The following DPP4 variants were observed in gnomAD, a reference collection of about 807,000 sequenced individuals.
DPP4 encodes the protein dipeptidyl peptidase 4.
DPP4 carries 93 observed loss-of-function variants against 122.4 expected under a neutral mutation model. The observed-to-expected ratio is 0.76, with a 90% CI of 0.64 to 0.90. The LOEUF (loss-of-function observed/expected upper bound fraction) is 0.90. DPP4 is among the 40% of genes least tolerant of loss of function. The pLI is 0.00. For missense variants in DPP4, 914 were observed against 907.3 expected (o/e 1.01, Z -0.09); for synonymous variants, 321 against 302.9 (o/e 1.06, Z -0.62).
chr2:162,021,054 C>T (rs1683108527), intron 12 of DPP4, among the ~76,000 whole-genome samples: 2 of 152,234 alleles, frequency 1.3e-5, no homozygotes, highest in South Asian at 4.2e-4. Context: ...AGTAAATTTC[C>T]TCAGTGTCAC....
At chr2:162,021,862 G>A (rs2106103586) in intron 12 of DPP4, among the ~76,000 whole-genome samples, 1 of 151,646 alleles carries the variant, frequency 6.6e-6, no homozygotes, top group South Asian at 2.1e-4. Context: ...TTTCATGTTG[G>A]CAAACCTCTC....
chr2:162,025,795 T>C (rs1297735153), intron 10 of DPP4, among the ~76,000 whole-genome samples: 1 of 152,172 alleles, frequency 6.6e-6, no homozygotes, highest in Non-Finnish European at 1.5e-5. Flanking sequence ...GCAGCCTTGC[T>C]CTTTTTTGTC....
At chr2:162,022,892 TATA>T in intron 11 of DPP4, 93 bp from the exon 12 acceptor site, 1 of 1,236,652 alleles carries the variant, frequency 8.1e-7, no homozygotes, top group South Asian at 1.2e-5. Flanking sequence ...GAGCTGTACT[TATA>T]ATAACTGAGA....
chr2:162,069,614 T>C (rs796988245), intron 2 of DPP4, among the ~76,000 whole-genome samples: 1 of 152,166 alleles, frequency 6.6e-6, no homozygotes, highest in South Asian at 2.1e-4. Context: ...TCCACAAAGG[T>C]TGACAATAGT....
chr2:162,059,382 C>A (rs993187020), intron 2 of DPP4, among the ~76,000 whole-genome samples: 1 of 152,118 alleles, frequency 6.6e-6, no homozygotes, highest in Non-Finnish European at 1.5e-5. Context: ...TGGCATTAGG[C>A]CGTGAAATCC....
At chr2:162,050,062 C>G (rs1684329238) in intron 2 of DPP4, among the ~76,000 whole-genome samples, 1 of 152,156 alleles carries the variant, frequency 6.6e-6, no homozygotes, top group Non-Finnish European at 1.5e-5. Flanking sequence ...TGCCAACCTT[C>G]AAACAAGGAG....
At chr2:162,039,836 A>G (rs1683924368) in intron 5 of DPP4, among the ~76,000 whole-genome samples, 1 of 151,960 alleles carries the variant, frequency 6.6e-6, no homozygotes, top group African/African-American at 2.4e-5. Flanking sequence ...AAGCATTGAT[A>G]AAGTAGAAAA....
At chr2:162,023,562 C>G (rs961995878) in intron 11 of DPP4, among the ~76,000 whole-genome samples, 1 of 152,182 alleles carries the variant, frequency 6.6e-6, no homozygotes, top group Non-Finnish European at 1.5e-5. Context: ...GGCGTTCTGT[C>G]CTTATCTGCT....
intron 2 of DPP4, among the ~76,000 whole-genome samples, chr2:162,049,224 T>C (rs1392008246): frequency 1.3e-5 from 2 of 152,216 alleles, no homozygotes; most frequent in African/African-American, 4.8e-5. Flanking sequence ...CAGAAAATGC[T>C]CTTTCAAACA....
At chr2:162,012,744 T>A (rs960484455) in intron 19 of DPP4, among the ~76,000 whole-genome samples, 3 of 152,008 alleles carry the variant, frequency 2.0e-5, no homozygotes, top group Admixed American at 1.3e-4. Context: ...CTCATCTCAA[T>A]TCATTTAAAT....
At chr2:162,039,261 T>A in intron 5 of DPP4, 77 bp from the exon 6 acceptor site, 1 of 1,158,460 alleles carries the variant, frequency 8.6e-7, no homozygotes, top group Non-Finnish European at 1.3e-6. Flanking sequence ...ACCAAGATGA[T>A]AGGTTTGGTA....
intron 18 of DPP4, 54 bp downstream of exon 18, chr2:162,016,714 T>C (rs745429523): frequency 1.1e-4 from 127 of 1,171,218 alleles, no homozygotes; most frequent in Non-Finnish European, 6.0e-5. Flanking sequence ...TTACTATAGT[T>C]AGAGTGCATT....
chr2:162,003,073 T>C (rs1701191553), intron 23 of DPP4, among the ~76,000 whole-genome samples: 1 of 152,162 alleles, frequency 6.6e-6, no homozygotes, highest in African/African-American at 2.4e-5. Flanking sequence ...AGTTTTAATG[T>C]GTCCATTGCC....
chr2:161,997,993 C>T (rs1285015019), intron 23 of DPP4, among the ~76,000 whole-genome samples: 3 of 152,280 alleles, frequency 2.0e-5, no homozygotes, highest in African/African-American at 7.2e-5. Context: ...TGTTAATTAA[C>T]TGTCCTGGAA....
At chr2:162,065,566 T>A (rs1684919882) in intron 2 of DPP4, among the ~76,000 whole-genome samples, 1 of 152,198 alleles carries the variant, frequency 6.6e-6, no homozygotes, top group African/African-American at 2.4e-5. Context: ...ATTGGGTTCC[T>A]TGAAGCCCAA....
At chr2:162,073,584 G>C in intron 1 of DPP4, 98 bp from the exon 2 acceptor site, 1 of 1,227,936 alleles carries the variant, frequency 8.1e-7, no homozygotes, top group Non-Finnish European at 1.2e-6. Flanking sequence ...GGATTTGCAG[G>C]TGGGAGTGCG....
intron 2 of DPP4, among the ~76,000 whole-genome samples, chr2:162,054,063 C>A (rs1485490109): frequency 6.6e-6 from 1 of 152,168 alleles, no homozygotes; most frequent in African/African-American, 2.4e-5. Flanking sequence ...GCCTTGGGAA[C>A]CCAACCCCCA....
chr2:162,064,757 A>G lies in DPP4; in HGVS notation c.94+8642T>C, dbSNP rs569861931. The stretch of plus-strand genomic sequence containing the variant: ...TATTTTCTCCTCTTGATCACTTTGG[A>G]TGCCAAAAGAAAGAAAGGGCTGAGG... On this transcript the variant is annotated intron_variant, in intron 2 of 25. Coordinates refer to ENST00000360534, the MANE Select transcript of DPP4 (RefSeq NM_001935.4). 3.9e-5 allele frequency among the ~76,000 whole-genome samples: 6 copies of G among 152,294 alleles called. No individual in the cohort carries two copies. In the South Asian group the frequency reaches 6.2e-4, roughly 16 times the overall value.
At chr2:162,061,376 CT>C (rs1684765393) in intron 2 of DPP4, among the ~76,000 whole-genome samples, 1 of 152,208 alleles carries the variant, frequency 6.6e-6, no homozygotes, top group Non-Finnish European at 1.5e-5. Flanking sequence ...CACTATTCCT[CT>C]TCATGTCTCT....
Sources: allele counts gnomAD v4.1 joint callset (sites outside exome capture counted in the v4.1 genomes callset), GRCh38; gene constraint gnomAD v4.1.1; transcripts MANE v1.5; gene names NCBI Gene and HGNC (gene_info 2026-07-23, HGNC 2026-07-21).